The following PDZD2 variants were observed in gnomAD, a reference collection of about 807,000 sequenced individuals.
PDZD2 encodes the protein PDZ domain-containing protein 2.
Under a neutral mutation model 220.7 loss-of-function variants are expected in PDZD2, and 90 were observed. The observed-to-expected ratio is 0.41, with a 90% CI of 0.34 to 0.49. The LOEUF is 0.49. PDZD2 is among the 20% of genes least tolerant of loss of function. The pLI, the probability that PDZD2 is intolerant of heterozygous loss-of-function variation, is 0.28. For missense variants in PDZD2, 3,174 were observed against 3,608.5 expected, an observed-to-expected ratio of 0.88 and a Z score of 3.08; for synonymous variants, 1,375 against 1,450.5, an observed-to-expected ratio of 0.95 and a Z score of 1.18.
chr5:31,645,282 A>T (rs1421431400), intron 1 of PDZD2, among the ~76,000 whole-genome samples: 2 of 148,748 alleles, frequency 1.3e-5, no homozygotes, highest in Admixed American at 6.7e-5. Flanking sequence ...TGGTTCTTTG[A>T]GGTGTTTTAG....
intron 12 of PDZD2, among the ~76,000 whole-genome samples, chr5:32,058,674 C>CA (rs35570128): frequency 0.077 from 7,133 of 92,158 alleles, 322 homozygotes; most frequent in African/African-American, 0.095. Context: ...AACTCCGTCT[C>CA]AAAAAAAAAA....
intron 2 of PDZD2, among the ~76,000 whole-genome samples, chr5:31,966,966 A>G (rs1362487603): frequency 6.6e-6 from 1 of 152,252 alleles, no homozygotes; most frequent in Non-Finnish European, 1.5e-5. Flanking sequence ...GCGTGACCTT[A>G]GCCAGAACAT....
intron 2 of PDZD2, among the ~76,000 whole-genome samples, chr5:31,919,730 A>AAT (rs3037134): frequency 2.9e-5 from 4 of 140,144 alleles, no homozygotes; most frequent in Non-Finnish European, 6.0e-5. Context: ...AAAAAAAAAA[A>AAT]GGCCAGGCAC....
At chr5:32,053,302 A>G (rs973509764) in intron 9 of PDZD2, among the ~76,000 whole-genome samples, 6 of 152,268 alleles carry the variant, frequency 3.9e-5, no homozygotes, top group Non-Finnish European at 7.3e-5. Flanking sequence ...TGCCATTATC[A>G]TAAAGGAAAT....
intron 2 of PDZD2, among the ~76,000 whole-genome samples, chr5:31,870,888 C>CAAAAAAAAAAAAAAAAAA (rs71614289): frequency 1.6e-5 from 1 of 64,488 alleles, no homozygotes; most frequent in Non-Finnish European, 3.4e-5. Context: ...GACTCTGTCT[C>CAAAAAAAAAAAAAAAAAA]AAAAAAAAAA....
intron 1 of PDZD2, chr5:31,738,794 A>G (rs1425753893): frequency 2.0e-5 from 3 of 152,228 alleles, no homozygotes; most frequent in African/African-American, 7.2e-5. Flanking sequence ...GTTTAGCGAT[A>G]CACAAGGAGA....
chr5:31,969,654 A>T (rs57041839), intron 2 of PDZD2, among the ~76,000 whole-genome samples: 3,573 of 151,970 alleles, frequency 0.024, 155 homozygotes, highest in African/African-American at 0.083. Flanking sequence ...GGATCTTATT[A>T]GAGTGATGAA....
chr5:31,773,666 G>C (rs10940963), intron 1 of PDZD2, among the ~76,000 whole-genome samples: 40,074 of 151,870 alleles, frequency 0.26, 6,130 homozygotes, highest in Middle Eastern at 0.35. Context: ...TATTTATTTA[G>C]ATATATTGAT....
At chr5:31,982,436 T>C (rs1045069217) in intron 2 of PDZD2, among the ~76,000 whole-genome samples, 4 of 152,124 alleles carry the variant, frequency 2.6e-5, no homozygotes, top group Non-Finnish European at 5.9e-5. Context: ...GCCTCCCGAG[T>C]AGCTGGGATT....
At chr5:31,752,634 C>G (rs553205381) in intron 1 of PDZD2, among the ~76,000 whole-genome samples, 1 of 152,018 alleles carries the variant, frequency 6.6e-6, no homozygotes, top group Non-Finnish European at 1.5e-5. Flanking sequence ...AGGCTGGTCT[C>G]GAACTCCTGA....
At chr5:32,014,951 T>A (rs1753669425) in intron 6 of PDZD2, among the ~76,000 whole-genome samples, 1 of 141,404 alleles carries the variant, frequency 7.1e-6, no homozygotes, top group South Asian at 2.3e-4. Context: ...TTTTTTTTTT[T>A]TTTTTTTTGA....
At chr5:31,736,337 G>A (rs16901499) in intron 1 of PDZD2, among the ~76,000 whole-genome samples, 6,559 of 152,202 alleles carry the variant, frequency 0.043, 193 homozygotes, top group African/African-American at 0.086. Flanking sequence ...TTACAGGCTC[G>A]GCTGTGAAAG....
chr5:31,815,702 G>C (rs1755406475), intron 2 of PDZD2, among the ~76,000 whole-genome samples: 1 of 152,184 alleles, frequency 6.6e-6, no homozygotes, highest in South Asian at 2.1e-4. Context: ...CCTTGACCAA[G>C]AAGCAGGGTT....
intron 2 of PDZD2, among the ~76,000 whole-genome samples, chr5:31,880,364 A>C (rs1049239209): frequency 6.6e-6 from 1 of 152,266 alleles, no homozygotes; most frequent in Non-Finnish European, 1.5e-5. Context: ...GGGCATATCA[A>C]GATTCCATGC....
At chr5:31,854,662 T>C (rs2150302950) in intron 2 of PDZD2, among the ~76,000 whole-genome samples, 1 of 152,244 alleles carries the variant, frequency 6.6e-6, no homozygotes, top group Non-Finnish European at 1.5e-5. Context: ...GGGCGCTTTT[T>C]CCTCTAACCT....
intron 2 of PDZD2, among the ~76,000 whole-genome samples, chr5:31,825,606 C>A (rs1756160828): frequency 1.3e-5 from 2 of 152,190 alleles, no homozygotes; most frequent in Non-Finnish European, 2.9e-5. Context: ...ATGTACAAGA[C>A]AATTAAATGG....
intron 5 of PDZD2, among the ~76,000 whole-genome samples, chr5:32,009,447 G>A (rs1200669219): frequency 6.6e-6 from 1 of 151,990 alleles, no homozygotes; most frequent in African/African-American, 2.4e-5. Flanking sequence ...AGGATCTTGG[G>A]CCAGGTGCGG....
Position 32,074,506 on chromosome 5 carries a change from G to C in PDZD2, c.3400G>C (p.Glu1134Gln). The C allele has an allele frequency of 6.2e-7, 1 of 1,614,132 alleles. No homozygotes were observed. The highest frequency in any genetic ancestry group is 1.1e-5 in the South Asian group (1 of 91,090). The change falls in exon 18 of 25, where the codon GAG becomes CAG. Residue 1134 changes from glutamate (E) to glutamine (Q), a missense_variant. Glu to Gln is a conservative substitution (Grantham distance 29). Transcript: ENST00000438447. ...CCCCCACTGCAAGAGATCCGAGGCTGAGGCCAAGCCCAGTGGCTCACAGAC... is the reference window on the plus strand; with the variant it reads ...CCCCCACTGCAAGAGATCCGAGGCTCAGGCCAAGCCCAGTGGCTCACAGAC... ...VSPHCKRSEA[E>Q]AKPSGSQTVN...
At chr5:31,961,471 G>A (rs1316866045) in intron 2 of PDZD2, among the ~76,000 whole-genome samples, 1 of 152,036 alleles carries the variant, frequency 6.6e-6, no homozygotes, top group Non-Finnish European at 1.5e-5. Flanking sequence ...GGAGGTCGAG[G>A]CTGCAGTGAG....
Sources: gnomAD v4.1 joint callset for allele counts (sites outside exome capture counted in the v4.1 genomes callset) on GRCh38, gnomAD v4.1.1 for gene constraint, MANE v1.5 for transcripts, NCBI Gene and HGNC (gene_info 2026-07-23, HGNC 2026-07-21) for gene names.